The following DAB1 variants were observed in gnomAD, a reference collection of about 807,000 sequenced individuals.
DAB1 encodes DAB adaptor protein 1, also known as disabled homolog 1.
Under a neutral mutation model 64.6 loss-of-function variants are expected in DAB1, and 15 were observed. The ratio of observed to expected loss-of-function variants is 0.23; its 90% CI spans 0.16 to 0.36. DAB1 has a LOEUF of 0.36. Among genes scored for constraint, DAB1 ranks in the 10% least tolerant of loss-of-function variants. The pLI is 1.00. For synonymous variants in DAB1, 235 were observed against 251.9 expected, an observed-to-expected ratio of 0.93 and a Z score of 0.64; for missense variants, 596 against 706.7, an observed-to-expected ratio of 0.84 and a Z score of 1.78.
At chr1:58,342,897 AT>A (rs1643955899) in intron 4 of DAB1, among the ~76,000 whole-genome samples, 2 of 152,078 alleles carry the variant, frequency 1.3e-5, no homozygotes, top group Non-Finnish European at 2.9e-5. Context: ...GGTTGTTCAA[AT>A]TTGGTGTCTC....
chr1:57,653,527 A>G (rs141347004), intron 6 of DAB1, among the ~76,000 whole-genome samples: 152 of 152,330 alleles, frequency 1.0e-3, no homozygotes, highest in African/African-American at 3.3e-3. Context: ...GTTGCAATGG[A>G]CAATGTATAC....
At chr1:57,204,882 T>C (rs1007210506) in intron 2 of DAB1, among the ~76,000 whole-genome samples, 9 of 152,184 alleles carry the variant, frequency 5.9e-5, no homozygotes, top group African/African-American at 2.2e-4. Flanking sequence ...AAAATGACAA[T>C]TCTTCTTCAA....
chr1:57,025,466 G>T (rs1646754558), intron 10 of DAB1, among the ~76,000 whole-genome samples: 1 of 152,168 alleles, frequency 6.6e-6, no homozygotes, highest in African/African-American at 2.4e-5. Context: ...AAACAAAAAG[G>T]AGGGAGAGAG....
chr1:58,050,837 T>C (rs1647601546), intron 5 of DAB1, among the ~76,000 whole-genome samples: 1 of 152,146 alleles, frequency 6.6e-6, no homozygotes, highest in South Asian at 2.1e-4. Context: ...CCCTCATTGC[T>C]TTATTTTTAT....
At chr1:57,166,915 C>A (rs12164608) in intron 2 of DAB1, among the ~76,000 whole-genome samples, 16,158 of 152,126 alleles carry the variant, frequency 0.11, 2,527 homozygotes, top group African/African-American at 0.34. Context: ...TGTCTGACTC[C>A]AAAGTTCATA....
chr1:58,283,307 A>G (rs1661608599), intron 4 of DAB1, among the ~76,000 whole-genome samples: 1 of 152,180 alleles, frequency 6.6e-6, no homozygotes, highest in Admixed American at 6.5e-5. Context: ...ACCTTCTGCC[A>G]AAACAGAATG....
At chr1:58,021,007 C>A (rs535810342) in intron 5 of DAB1, among the ~76,000 whole-genome samples, 2 of 152,228 alleles carry the variant, frequency 1.3e-5, no homozygotes, top group South Asian at 4.2e-4. Context: ...TGAGACCCTG[C>A]GCCCCGCACC....
At chr1:57,107,899 TTC>T (rs1250696822) in intron 4 of DAB1, among the ~76,000 whole-genome samples, 1 of 152,164 alleles carries the variant, frequency 6.6e-6, no homozygotes, top group Non-Finnish European at 1.5e-5. Context: ...CCTTGTGCAT[TTC>T]TGTTTCATCT....
intron 7 of DAB1, among the ~76,000 whole-genome samples, chr1:57,514,975 C>G (rs765916836): frequency 3.9e-5 from 6 of 152,100 alleles, no homozygotes; most frequent in African/African-American, 1.4e-4. Flanking sequence ...CTTTTATTAC[C>G]ATTGTCTAGT....
At chr1:57,275,632 A>C (rs538424887) in intron 2 of DAB1, among the ~76,000 whole-genome samples, 27 of 152,330 alleles carry the variant, frequency 1.8e-4, no homozygotes, top group Admixed American at 5.9e-4. Context: ...CAACATATTA[A>C]AGTTGATAAG....
At chr1:57,983,056 A>G (rs1382140157) in intron 5 of DAB1, among the ~76,000 whole-genome samples, 2 of 152,192 alleles carry the variant, frequency 1.3e-5, no homozygotes, top group African/African-American at 4.8e-5. Flanking sequence ...CTGCTCTTAC[A>G]GTGTACGGTG....
chr1:57,869,315 C>A (rs1188838414), intron 1 of DAB1, among the ~76,000 whole-genome samples: 1 of 152,070 alleles, frequency 6.6e-6, no homozygotes, highest in African/African-American at 2.4e-5. Context: ...ATTATTCTCA[C>A]TTTGGAATGG....
Position 56,995,090 on chromosome 1 carries a change from T to A in DAB1, c.*3054A>T, listed in dbSNP as rs1401025138. 1 of 152,088 alleles carries A rather than the reference T, an allele frequency of 6.6e-6. No individual in the cohort carries two copies. The highest frequency in any genetic ancestry group is 1.5e-5 in the Non-Finnish European group (1 of 68,010). The allele number at this position is 152,088 out of a possible 1,614,324, so 9.4% of individuals were successfully genotyped here. On this transcript the variant is annotated 3_prime_UTR_variant, in exon 15 of 15. Transcript: ENST00000371236. ...GTGCCCAGTACATTACATGATGGGG[T>A]TTCAGGAGACACTGGGATGAGTACG...
At chr1:57,250,846 T>G (rs1443031132) in intron 2 of DAB1, among the ~76,000 whole-genome samples, 1 of 152,222 alleles carries the variant, frequency 6.6e-6, no homozygotes, top group East Asian at 1.9e-4. Context: ...CTTCTCATTA[T>G]ATAGGTGAGA....
At chr1:58,493,111 C>T (rs1365158241) in intron 3 of DAB1, among the ~76,000 whole-genome samples, 6 of 152,178 alleles carry the variant, frequency 3.9e-5, no homozygotes, top group Admixed American at 1.3e-4. Flanking sequence ...GCTGGTTCAA[C>T]ATACGCAAAT....
intron 4 of DAB1, among the ~76,000 whole-genome samples, chr1:58,217,077 T>C (rs1006601580): frequency 1.3e-5 from 2 of 152,208 alleles, no homozygotes; most frequent in African/African-American, 4.8e-5. Flanking sequence ...GGCAAATGTC[T>C]TTCAGCAAGC....
At chr1:57,345,509 C>T (rs990357066) in intron 1 of DAB1, among the ~76,000 whole-genome samples, 1 of 152,126 alleles carries the variant, frequency 6.6e-6, no homozygotes, top group Non-Finnish European at 1.5e-5. Context: ...TCTTCAGGCT[C>T]CAGCATTAGC....
At chr1:57,126,760 C>T (rs1657163282) in intron 4 of DAB1, among the ~76,000 whole-genome samples, 1 of 152,192 alleles carries the variant, frequency 6.6e-6, no homozygotes, top group Non-Finnish European at 1.5e-5. Context: ...GCAAATCTAG[C>T]CCTTTGTCTG....
At chr1:58,034,648 T>C (rs1203957409) in intron 5 of DAB1, among the ~76,000 whole-genome samples, 1 of 152,230 alleles carries the variant, frequency 6.6e-6, no homozygotes, top group African/African-American at 2.4e-5. Flanking sequence ...CAAATATTTC[T>C]AGGTTATAGT....
Sources: gnomAD v4.1 joint callset for allele counts (sites outside exome capture counted in the v4.1 genomes callset) on GRCh38, gnomAD v4.1.1 for gene constraint, MANE v1.5 for transcripts, NCBI Gene and HGNC (gene_info 2026-07-23, HGNC 2026-07-21) for gene names.